RASSF3: variants seen among roughly 807,000 people sequenced by gnomAD.
RASSF3 encodes ras association domain-containing protein 3.
In RASSF3, 19 loss-of-function variants were observed where a neutral mutation model predicts 19.9. The observed-to-expected ratio is 0.96, with a 90% confidence interval of 0.67 to 1.40. The LOEUF (loss-of-function observed/expected upper bound fraction) is 1.40. Ranked by LOEUF, RASSF3 falls within the 40% of genes most tolerant of loss-of-function variation. The pLI, the probability that RASSF3 is intolerant of heterozygous loss-of-function variation, is 0.00. For synonymous variants in RASSF3, 110 were observed against 104.2 expected (o/e 1.06, Z -0.34); for missense variants, 306 against 289.8 (o/e 1.06, Z -0.41).
chr12:64,577,563 C>T (rs1442631903), intron 2 of RASSF3, among the ~76,000 whole-genome samples: 1 of 151,860 alleles, frequency 6.6e-6, no homozygotes, highest in Non-Finnish European at 1.5e-5. Flanking sequence ...GAATCCCCGT[C>T]TCTACTAGAA....
At chr12:64,680,342 G>C (rs1873075982) in intron 1 of RASSF3, among the ~76,000 whole-genome samples, 1 of 151,910 alleles carries the variant, frequency 6.6e-6, no homozygotes, top group Admixed American at 6.6e-5. Context: ...CAGTGCTTGG[G>C]GGCCATTTTG....
intron 2 of RASSF3, among the ~76,000 whole-genome samples, chr12:64,550,552 A>T (rs1296807617): frequency 6.6e-6 from 1 of 151,888 alleles, no homozygotes; most frequent in African/African-American, 2.4e-5. Flanking sequence ...GTAATCCCAG[A>T]GGCTGACGTA....
At chr12:64,520,587 T>C (rs1868458162) in intron 1 of RASSF3, among the ~76,000 whole-genome samples, 1 of 146,400 alleles carries the variant, frequency 6.8e-6, no homozygotes, top group African/African-American at 2.5e-5. Context: ...TATATATATA[T>C]ATATATATGC....
At chr12:64,676,467 CTTTTT>C (rs34917109) in intron 1 of RASSF3, among the ~76,000 whole-genome samples, 19 of 69,770 alleles carry the variant, frequency 2.7e-4, no homozygotes, top group African/African-American at 4.2e-4. Context: ...CTGTGCCCAG[CTTTTT>C]TTTTTTTTTT....
chr12:64,563,161 ATTTTTAT>A, intron 2 of RASSF3, among the ~76,000 whole-genome samples: 1 of 147,538 alleles, frequency 6.8e-6, no homozygotes, highest in South Asian at 2.1e-4. Flanking sequence ...TCTTTTATTT[ATTTTTAT>A]TTTTATTTTT....
chr12:64,646,733 G>A (rs2136187499), intron 1 of RASSF3, among the ~76,000 whole-genome samples: 1 of 145,568 alleles, frequency 6.9e-6, no homozygotes, highest in Non-Finnish European at 1.5e-5. Context: ...ATCAGTGTTT[G>A]GTTTCTCTCT....
In RASSF3 at chr12:64,514,188, C is replaced by CTTT. The variant is rs138925359; in HGVS notation, c.169+6880_169+6882dup. On this transcript the variant is annotated intron_variant, in intron 1 of 5. Transcript: ENST00000637125. ...AGGCATGAGCCACAGCGCTCAGCCT[C>CTTT]TTTTTTTTTTTTTTTTTTTTTTTGA... 5.1e-3 allele frequency among the ~76,000 whole-genome samples: 395 copies of CTTT among 77,980 alleles called. 21 individuals are homozygous for CTTT. The highest frequency in any genetic ancestry group is 0.013 in the African/African-American group (195 of 15,446). The allele number at this position is 77,980 out of a possible 152,430, so 51.2% of individuals were successfully genotyped here.
intron 2 of RASSF3, among the ~76,000 whole-genome samples, chr12:64,583,163 T>A (rs1434333616): frequency 6.6e-6 from 1 of 152,112 alleles, no homozygotes; most frequent in African/African-American, 2.4e-5. Context: ...AAGTATTGAG[T>A]CTGTGTTCCA....
At chr12:64,591,006 C>T (rs542085325) in intron 2 of RASSF3, among the ~76,000 whole-genome samples, 68 of 152,240 alleles carry the variant, frequency 4.5e-4, no homozygotes, top group African/African-American at 1.6e-3. Context: ...AATGACACAG[C>T]GAAACCTTAT....
At chr12:64,570,288 T>C (rs1278574156) in intron 2 of RASSF3, among the ~76,000 whole-genome samples, 1 of 152,208 alleles carries the variant, frequency 6.6e-6, no homozygotes, top group Non-Finnish European at 1.5e-5. Flanking sequence ...AGATTTCTTC[T>C]CTTGGAATGC....
Position 64,694,907 on chromosome 12 carries a change from G to C in RASSF3, c.712G>C (p.Asp238His), listed in dbSNP as rs1214965993. Residue 238 changes from aspartate to histidine, a missense_variant, in exon 5 of 5, where the codon GAT (aspartate) becomes CAT (histidine). By Grantham distance (81) the Asp-to-His change is moderately conservative. Coordinates refer to ENST00000542104, the MANE Select transcript of RASSF3 (RefSeq NM_178169.4). ...AGCCCTCCGTGAGGTGTGGAAGCCT[G>C]ATTAAAGCGGGGCTCCCTGCCCGTG... ...EEALREVWKP[D>H] 1 of 1,613,708 alleles carries C rather than the reference G, an allele frequency of 6.2e-7. No homozygotes were observed. Among genetic ancestry groups the C allele is most frequent in the East Asian group, 2.2e-5 (1 of 44,892 alleles).
At chr12:64,665,052 T>C (rs1166536040) in intron 1 of RASSF3, among the ~76,000 whole-genome samples, 2 of 152,078 alleles carry the variant, frequency 1.3e-5, no homozygotes, top group African/African-American at 4.8e-5. Context: ...AAAGTCAGAG[T>C]TCAGGATGAA....
chr12:64,635,858 G>A (rs549943451), intron 1 of RASSF3, among the ~76,000 whole-genome samples: 2 of 152,232 alleles, frequency 1.3e-5, no homozygotes, highest in South Asian at 2.1e-4. Context: ...AAGCCTAGAC[G>A]GACTAGTTTG....
intron 1 of RASSF3, among the ~76,000 whole-genome samples, chr12:64,658,577 G>A (rs368195910): frequency 3.5e-4 from 53 of 152,254 alleles, no homozygotes; most frequent in African/African-American, 1.1e-3. Context: ...TGAGGCGGGC[G>A]GATCGCTTGA....
At chr12:64,548,219 G>A (rs370544125) in intron 2 of RASSF3, among the ~76,000 whole-genome samples, 4 of 151,962 alleles carry the variant, frequency 2.6e-5, no homozygotes, top group Admixed American at 6.6e-5. Flanking sequence ...TCACTCTGTC[G>A]CCCAGGCTGG....
intron 1 of RASSF3, among the ~76,000 whole-genome samples, chr12:64,620,037 T>TGTGTGTGTGTGTG (rs1565851666): frequency 4.0e-5 from 6 of 148,746 alleles, no homozygotes; most frequent in Non-Finnish European, 6.0e-5. Flanking sequence ...TGTGTGTGTG[T>TGTGTGTGTGTGTG]AGTTTTCTGA....
At chr12:64,642,346 G>A (rs1235890676) in intron 1 of RASSF3, among the ~76,000 whole-genome samples, 2 of 151,776 alleles carry the variant, frequency 1.3e-5, no homozygotes, top group Admixed American at 1.3e-4. Flanking sequence ...GATCACCTAA[G>A]GTCAGGAGTT....
chr12:64,609,968 C>G (rs911952439), upstream of RASSF3, among the ~76,000 whole-genome samples: 4 of 152,188 alleles, frequency 2.6e-5, no homozygotes, highest in African/African-American at 9.6e-5. Flanking sequence ...TCTCTGCCAA[C>G]TTGAAATCCT....
downstream of RASSF3, among the ~76,000 whole-genome samples, chr12:64,545,617 G>A (rs1869039666): frequency 6.6e-6 from 1 of 152,150 alleles, no homozygotes. Flanking sequence ...ATTAGGGTGA[G>A]AATCCCCTCA....
Sources: allele counts gnomAD v4.1 joint callset (sites outside exome capture counted in the v4.1 genomes callset), GRCh38; gene constraint gnomAD v4.1.1; transcripts MANE v1.5; gene names NCBI Gene and HGNC (gene_info 2026-07-23, HGNC 2026-07-21).